FRY: variants seen among roughly 807,000 people sequenced by gnomAD.
FRY encodes FRY microtubule binding protein.
Under a neutral mutation model 348.4 loss-of-function variants are expected in FRY, and 128 were observed. That is an observed-to-expected ratio of 0.37 (90% confidence interval 0.32 to 0.43). The LOEUF is 0.43. FRY is among the 20% of genes least tolerant of loss of function. FRY has a pLI of 1.00. For synonymous variants in FRY, 1,370 were observed against 1,374.7 expected (o/e 1.00, Z 0.08); for missense variants, 2,736 against 3,695.2 (o/e 0.74, Z 6.73).
chr13:32,113,321 G>T (rs1160097320), intron 3 of FRY, among the ~76,000 whole-genome samples: 1 of 152,080 alleles, frequency 6.6e-6, no homozygotes, highest in Non-Finnish European at 1.5e-5. Flanking sequence ...ATAAAATATG[G>T]AATGACTCCA....
chr13:32,071,256 T>C (rs1232454379), intron 1 of FRY, among the ~76,000 whole-genome samples: 1 of 152,220 alleles, frequency 6.6e-6, no homozygotes, highest in Admixed American at 6.5e-5. Flanking sequence ...AGGAAACTCA[T>C]TGGTAGCTTG....
intron 46 of FRY, among the ~76,000 whole-genome samples, chr13:32,241,041 C>G (rs1886473473): frequency 6.6e-6 from 1 of 152,208 alleles, no homozygotes; most frequent in African/African-American, 2.4e-5. Flanking sequence ...ATCCACATCT[C>G]TGACATTTTA....
At chr13:32,244,006 T>C (rs985314349) in intron 46 of FRY, 36 bp from the exon 47 acceptor site, 11 of 1,609,994 alleles carry the variant, frequency 6.8e-6, no homozygotes, top group Non-Finnish European at 9.3e-6. Context: ...GGAGATCTGG[T>C]GTGTGACTGA....
chr13:32,191,389 G>T (rs748681142), intron 28 of FRY, among the ~76,000 whole-genome samples: 7 of 152,144 alleles, frequency 4.6e-5, no homozygotes, highest in Non-Finnish European at 1.0e-4. Context: ...CACACAGTCA[G>T]CAGAGGGTTC....
intron 54 of FRY, among the ~76,000 whole-genome samples, chr13:32,266,075 T>C (rs1222373367): frequency 6.7e-6 from 1 of 150,190 alleles, no homozygotes; most frequent in Non-Finnish European, 1.5e-5. Context: ...AAAAAAAAAA[T>C]GTGAAGAGAA....
intron 14 of FRY, among the ~76,000 whole-genome samples, chr13:32,150,226 G>A (rs1880712841): frequency 6.6e-6 from 1 of 152,154 alleles, no homozygotes; most frequent in South Asian, 2.1e-4. Context: ...AATAAAAATA[G>A]TAAAACAATG....
chr13:32,154,526 T>C (rs936914128), intron 14 of FRY, among the ~76,000 whole-genome samples: 29 of 152,164 alleles, frequency 1.9e-4, no homozygotes, highest in Admixed American at 1.3e-4. Flanking sequence ...CCACTATACC[T>C]CAGTTTCCTC....
At chr13:32,102,307 G>C (rs1482805569) in intron 3 of FRY, among the ~76,000 whole-genome samples, 1 of 152,194 alleles carries the variant, frequency 6.6e-6, no homozygotes, top group African/African-American at 2.4e-5. Flanking sequence ...CAAGAAAAGA[G>C]AGTTTAAAGG....
chr13:32,162,867 A>G (rs553256576), intron 17 of FRY, among the ~76,000 whole-genome samples: 2 of 152,304 alleles, frequency 1.3e-5, no homozygotes, highest in East Asian at 3.9e-4. Flanking sequence ...ATTCCCTGGA[A>G]GCAGGAAAGC....
intron 11 of FRY, among the ~76,000 whole-genome samples, chr13:32,146,152 C>T (rs1880430775): frequency 6.7e-6 from 1 of 148,216 alleles, no homozygotes; most frequent in African/African-American, 2.5e-5. Context: ...TGTGCTCTTG[C>T]CTCTGCCTAC....
chr13:32,105,993 T>G (rs551699214), intron 3 of FRY, among the ~76,000 whole-genome samples: 1 of 150,478 alleles, frequency 6.6e-6, no homozygotes, highest in Admixed American at 6.6e-5. Flanking sequence ...TCTCATATTA[T>G]CTCACCTGAC....
intron 16 of FRY, 77 bp from the exon 17 acceptor site, chr13:32,161,067 G>T: frequency 2.1e-6 from 2 of 938,882 alleles, no homozygotes; most frequent in Admixed American, 1.7e-5. Flanking sequence ...TCTAGTCTTT[G>T]TTCATGCACT....
chr13:32,171,619 T>C (rs910517620), intron 18 of FRY, among the ~76,000 whole-genome samples: 3 of 152,172 alleles, frequency 2.0e-5, no homozygotes, highest in Admixed American at 2.0e-4. Flanking sequence ...GCTGAATTTA[T>C]ATTCTTTTAT....
At chr13:32,069,109 G>T (rs1172894934) in intron 1 of FRY, among the ~76,000 whole-genome samples, 1 of 151,920 alleles carries the variant, frequency 6.6e-6, no homozygotes, top group Non-Finnish European at 1.5e-5. Context: ...TAGAGACGGG[G>T]TTTCACTGTG....
In FRY at chr13:32,202,577, C is replaced by T. The variant is rs111422987; in HGVS notation, c.4018+50C>T. ...CATATGTGATCATTTCTAATAATGA[C>T]GTATGTGATCATTTCTAATAATGAC... On this transcript the variant is annotated intron_variant, in intron 31 of 60. Transcript: ENST00000542859. The T allele has an allele frequency of 4.8e-4, 649 of 1,351,602 alleles. 4 individuals carry two copies. In the African/African-American group the frequency reaches 8.4e-3, roughly 17 times the overall value. 83.7% of individuals were successfully genotyped at this position (1,351,602 alleles called of 1,614,324 possible).
chr13:32,231,436 C>T, intron 41 of FRY, 136 bp downstream of exon 41: 1 of 854,570 alleles, frequency 1.2e-6, no homozygotes, highest in South Asian at 1.4e-5. Context: ...CAGGGGAGTT[C>T]TGAAGCTTGT....
At position 32,237,301 on chromosome 13, in the gene FRY, T is replaced by C; in HGVS notation, c.5811-78T>C. On this transcript the variant is annotated intron_variant, in intron 43 of 60. Coordinates refer to ENST00000542859, the MANE Select transcript of FRY (RefSeq NM_023037.3). The surrounding 1 kb of genome is among the most constrained non-coding windows in gnomAD (Gnocchi z 6.3). ...AAGAATGATTTCCCTCCTGCAGTGT[T>C]TCTCAGTGGACTTGAAAGGACTGGC... 1 of 1,385,170 alleles carries C rather than the reference T, an allele frequency of 7.2e-7. No individual in the cohort carries two copies. The highest frequency in any genetic ancestry group is 1.0e-6 in the Non-Finnish European group (1 of 980,756). The allele number at this position is 1,385,170 out of a possible 1,614,324, so 85.8% of individuals were successfully genotyped here.
At chr13:32,252,546 G>C (rs757148830) in intron 50 of FRY, among the ~76,000 whole-genome samples, 1 of 152,178 alleles carries the variant, frequency 6.6e-6, no homozygotes, top group Non-Finnish European at 1.5e-5. Context: ...AGGTATGGGA[G>C]TATAACAAAA....
At chr13:32,236,264 A>G (rs1347683094) in intron 43 of FRY, 92 bp downstream of exon 43, 2 of 987,584 alleles carry the variant, frequency 2.0e-6, no homozygotes, top group Non-Finnish European at 3.2e-6. Context: ...CAAAGAAAAA[A>G]TCTAGTTTTT....
Sources: allele counts gnomAD v4.1 joint callset (sites outside exome capture counted in the v4.1 genomes callset), GRCh38; gene constraint gnomAD v4.1.1; non-coding constraint Gnocchi (gnomAD v3.1); transcripts MANE v1.5; gene names NCBI Gene and HGNC (gene_info 2026-07-23, HGNC 2026-07-21).